Variants in SUGCT observed in about 807,000 individuals in gnomAD.
SUGCT encodes succinyl-CoA:glutarate CoA-transferase.
In SUGCT, 41 loss-of-function variants were observed where a neutral mutation model predicts 55.0. The observed-to-expected ratio is 0.74, with a 90% CI of 0.58 to 0.97. SUGCT has a LOEUF of 0.97. Ranked by LOEUF, SUGCT falls within the 50% of genes least tolerant of loss-of-function variation. SUGCT has a pLI of 0.00. For missense variants in SUGCT, 568 were observed against 547.8 expected (o/e 1.04, Z -0.37); for synonymous variants, 187 against 200.4 (o/e 0.93, Z 0.56).
intron 12 of SUGCT, among the ~76,000 whole-genome samples, chr7:40,658,068 G>A (rs1169032098): frequency 6.6e-6 from 1 of 152,076 alleles, no homozygotes; most frequent in African/African-American, 2.4e-5. Context: ...AGGTGAAAGG[G>A]AATTAAAACA....
chr7:40,173,086 T>A, intron 1 of SUGCT, among the ~76,000 whole-genome samples: 1 of 152,224 alleles, frequency 6.6e-6, no homozygotes, highest in East Asian at 1.9e-4. Context: ...TTTTATTCTT[T>A]GACCTGGGGT....
intron 11 of SUGCT, among the ~76,000 whole-genome samples, chr7:40,486,229 C>T (rs919205327): frequency 6.6e-6 from 1 of 152,032 alleles, no homozygotes; most frequent in African/African-American, 2.4e-5. Context: ...AGGAATGTAT[C>T]TGTTTCTTCT....
intron 11 of SUGCT, among the ~76,000 whole-genome samples, chr7:40,486,385 A>G (rs1007309314): frequency 1.3e-5 from 2 of 152,036 alleles, no homozygotes; most frequent in African/African-American, 2.4e-5. Flanking sequence ...GGACCCCTCA[A>G]TGATTTGTTG....
intron 13 of SUGCT, among the ~76,000 whole-genome samples, chr7:40,805,805 C>T (rs558536850): frequency 1.2e-4 from 19 of 152,268 alleles, no homozygotes; most frequent in African/African-American, 4.6e-4. Flanking sequence ...ATTTCACGTT[C>T]CTGTAAAACA....
intron 12 of SUGCT, among the ~76,000 whole-genome samples, chr7:40,578,389 C>T (rs1452012831): frequency 2.0e-5 from 3 of 152,174 alleles, no homozygotes; most frequent in Non-Finnish European, 2.9e-5. Flanking sequence ...GCCCCACCTC[C>T]ACCCCTTGCC....
intron 5 of SUGCT, among the ~76,000 whole-genome samples, chr7:40,193,288 T>TTG (rs1427638465): frequency 7.2e-6 from 1 of 139,576 alleles, no homozygotes; most frequent in Non-Finnish European, 1.6e-5. Flanking sequence ...GTGTTTTTTT[T>TTG]TTTTTTTTTT....
At chr7:40,831,458 C>T (rs1563033984) in intron 13 of SUGCT, among the ~76,000 whole-genome samples, 1 of 152,164 alleles carries the variant, frequency 6.6e-6, no homozygotes, top group Non-Finnish European at 1.5e-5. Context: ...CAGGCAGTGC[C>T]CAACTTTCAA....
At chr7:40,927,922 C>A in the SUGCT span, among the ~76,000 whole-genome samples, 18 of 152,074 alleles carry the variant, frequency 1.2e-4, no homozygotes, top group Admixed American at 9.8e-4. Flanking sequence ...GTATAAAATT[C>A]TAGTTTAATG....
intron 13 of SUGCT, among the ~76,000 whole-genome samples, chr7:40,752,863 A>G (rs1402790531): frequency 1.3e-5 from 2 of 151,990 alleles, no homozygotes; most frequent in Non-Finnish European, 2.9e-5. Flanking sequence ...GGAAAATTCT[A>G]TTTTTGTTTA....
At chr7:40,906,634 G>A in the SUGCT span, among the ~76,000 whole-genome samples, 1 of 152,128 alleles carries the variant, frequency 6.6e-6, no homozygotes, top group Admixed American at 6.5e-5. Flanking sequence ...GTAGTCTAGA[G>A]GTGATTTAAA....
chr7:40,883,063 T>C, the SUGCT span, among the ~76,000 whole-genome samples: 1 of 152,244 alleles, frequency 6.6e-6, no homozygotes, highest in Non-Finnish European at 1.5e-5. Context: ...TTGTCCTGCC[T>C]AACTGAAAGC....
chr7:40,580,076 A>G (rs867327445), intron 12 of SUGCT, among the ~76,000 whole-genome samples: 4 of 152,180 alleles, frequency 2.6e-5, no homozygotes, highest in Non-Finnish European at 5.9e-5. Context: ...TATGTCTCTA[A>G]TGATTAAGTC....
At chr7:40,176,446 T>A (rs2150693720) in intron 1 of SUGCT, among the ~76,000 whole-genome samples, 1 of 152,276 alleles carries the variant, frequency 6.6e-6, no homozygotes, top group African/African-American at 2.4e-5. Flanking sequence ...TAATTTATCT[T>A]TTAATTTTTA....
intron 13 of SUGCT, among the ~76,000 whole-genome samples, chr7:40,820,952 T>C (rs1161317370): frequency 1.3e-5 from 2 of 152,202 alleles, no homozygotes; most frequent in African/African-American, 4.8e-5. Flanking sequence ...ATACCTAGTT[T>C]ATTGAGAGTT....
At chr7:40,553,697 ATG>A (rs761789489) in intron 12 of SUGCT, among the ~76,000 whole-genome samples, 2 of 151,152 alleles carry the variant, frequency 1.3e-5, no homozygotes, top group Non-Finnish European at 3.0e-5. Context: ...CTGCCACATT[ATG>A]TGTGTGTGTG....
chr7:40,757,890 C>T (rs753698019), intron 13 of SUGCT, among the ~76,000 whole-genome samples: 3 of 152,022 alleles, frequency 2.0e-5, no homozygotes, highest in Non-Finnish European at 4.4e-5. Context: ...ACTGAGTGCA[C>T]AAAAAAGTCT....
chr7:40,896,734 G>A, the SUGCT span, among the ~76,000 whole-genome samples: 11 of 152,246 alleles, frequency 7.2e-5, no homozygotes, highest in African/African-American at 2.6e-4. Flanking sequence ...AAATTACCCA[G>A]TCTCAGGTAT....
chr7:40,811,052 A>C (rs1231779180), intron 13 of SUGCT, among the ~76,000 whole-genome samples: 1 of 152,120 alleles, frequency 6.6e-6, no homozygotes, highest in Non-Finnish European at 1.5e-5. Flanking sequence ...GTTAACTTTG[A>C]GGAAGATCAG....
At chr7:40,520,012 T>A (rs1195477665) in intron 12 of SUGCT, among the ~76,000 whole-genome samples, 1 of 152,088 alleles carries the variant, frequency 6.6e-6, no homozygotes, top group Non-Finnish European at 1.5e-5. Flanking sequence ...CTTTGGAATT[T>A]GGACTATTTT....
Sources: gnomAD v4.1 joint callset for allele counts (sites outside exome capture counted in the v4.1 genomes callset) on GRCh38, gnomAD v4.1.1 for gene constraint, MANE v1.5 for transcripts, NCBI Gene and HGNC (gene_info 2026-07-23, HGNC 2026-07-21) for gene names.